PCDHA5: variants seen among roughly 807,000 people sequenced by gnomAD.
The protein encoded by PCDHA5 is protocadherin alpha-5.
PCDHA5 carries 43 observed loss-of-function variants against 61.6 expected under a neutral mutation model. The ratio of observed to expected loss-of-function variants is 0.70; its 90% CI spans 0.55 to 0.90. The LOEUF is 0.90. Ranked by LOEUF, PCDHA5 falls within the 40% of genes least tolerant of loss-of-function variation. PCDHA5 has a pLI of 0.00. For synonymous variants in PCDHA5, 627 were observed against 543.9 expected (o/e 1.15, Z -2.13); for missense variants, 1,298 against 1,222.7 (o/e 1.06, Z -0.92).
intron 1 of PCDHA5, among the ~76,000 whole-genome samples, chr5:140,920,824 C>T (rs537294471): frequency 3.4e-5 from 5 of 145,004 alleles, no homozygotes; most frequent in Admixed American, 1.4e-4. Context: ...AGCCTGGCGA[C>T]GGAGCAAGAC....
intron 1 of PCDHA5, chr5:140,966,972 T>A (rs1554229007): frequency 6.2e-7 from 1 of 1,602,946 alleles, no homozygotes; most frequent in Non-Finnish European, 8.5e-7. Flanking sequence ...GGGCTTGAGC[T>A]GCGGCGCTTG....
intron 1 of PCDHA5, chr5:140,882,928 C>T: frequency 6.2e-7 from 1 of 1,614,140 alleles, no homozygotes; most frequent in Non-Finnish European, 8.5e-7. Context: ...GAGGTAAACC[C>T]GAGCTGACTG....
rs1395280300 is a variant in PCDHA5, at chr5:140,857,152, T to C, written c.2352+33025T>C. ...AAGATGCTCAAGTGGGCACCGTCAT[T>C]GCCCTAATCAGCGTTTCTGACCATG... On this transcript the variant is annotated intron_variant, in intron 1 of 3. Coordinates refer to ENST00000529859, the MANE Select transcript of PCDHA5 (RefSeq NM_018908.3). The C allele has an allele frequency of 3.8e-6, 6 of 1,598,324 alleles. 1 individual carries two copies. In the Admixed American group the frequency reaches 8.4e-5, roughly 22 times the overall value.
chr5:140,848,811 C>T (rs2150421189), intron 1 of PCDHA5: 1 of 1,591,760 alleles, frequency 6.3e-7, no homozygotes, highest in Non-Finnish European at 8.6e-7. Flanking sequence ...CAGCATCCAC[C>T]TGGAGGTGAT....
chr5:141,012,057 A>G lies in PCDHA5; in HGVS notation c.*2120A>G, dbSNP rs2098422809. 6.5e-6 allele frequency: 1 copy of G among 153,774 alleles called. No individual in the cohort carries two copies. Among genetic ancestry groups the G allele is most frequent in the African/African-American group, 2.4e-5 (1 of 41,454 alleles). The allele number at this position is 153,774 out of a possible 1,614,324, so 9.5% of individuals were successfully genotyped here. A position where few individuals can be genotyped will look rare whatever the true frequency, so the allele number is the denominator to read the frequency against. Reference sequence around the variant, plus strand: ...ATTGCATGGGGTAAAACTTGTTACCAACACATGTGAACCATTGCTACATTG... The same window carrying G: ...ATTGCATGGGGTAAAACTTGTTACCGACACATGTGAACCATTGCTACATTG... On this transcript the variant is annotated 3_prime_UTR_variant, in exon 4 of 4. Transcript: ENST00000529859.
chr5:140,967,262 C>G (rs1554229356), intron 1 of PCDHA5: 1 of 1,613,522 alleles, frequency 6.2e-7, no homozygotes, highest in African/African-American at 1.3e-5. Flanking sequence ...GCCTGGAGCG[C>G]GCTTTCACAT....
intron 1 of PCDHA5, chr5:140,927,773 A>C (rs143568645): frequency 6.2e-7 from 1 of 1,614,078 alleles, no homozygotes; most frequent in Non-Finnish European, 8.5e-7. Flanking sequence ...GGGGAGGTGC[A>C]AGTAGCTGCT....
chr5:140,828,239 C>G, intron 1 of PCDHA5: 1 of 1,613,974 alleles, frequency 6.2e-7, no homozygotes, highest in South Asian at 1.1e-5. Flanking sequence ...CCGGATCGCG[C>G]AGGACCTGGG....
At chr5:140,842,048 G>A (rs2150328015) in intron 1 of PCDHA5, 1 of 1,613,798 alleles carries the variant, frequency 6.2e-7, no homozygotes. Context: ...TCCCACTTTC[G>A]AACAGTCTGA....
At chr5:140,856,866 A>G in intron 1 of PCDHA5, 1 of 1,595,900 alleles carries the variant, frequency 6.3e-7, no homozygotes, top group Non-Finnish European at 8.6e-7. Flanking sequence ...GAAGGAATAA[A>G]CAAGGAAATG....
intron 1 of PCDHA5, among the ~76,000 whole-genome samples, chr5:140,832,146 T>C (rs1554133466): frequency 6.6e-6 from 1 of 152,254 alleles, no homozygotes; most frequent in African/African-American, 2.4e-5. Flanking sequence ...AAAATTGAAT[T>C]AAGACTTGGA....
Position 140,941,114 on chromosome 5 carries a change from T to G in PCDHA5, c.2353-37835T>G, listed in dbSNP as rs193134067. ...TTTCACATACTATTACTGGAAAGAT[T>G]AGTCCTTTGAAGTTCCAGCTTAATG... On this transcript the variant is annotated intron_variant, in intron 1 of 3. Coordinates refer to ENST00000529859, the MANE Select transcript of PCDHA5 (RefSeq NM_018908.3). Among the ~76,000 whole-genome samples, 307 of 152,230 alleles carry G rather than the reference T, an allele frequency of 2.0e-3. 3 individuals carry two copies. Among genetic ancestry groups the G allele is most frequent in the African/African-American group, 7.2e-3 (299 of 41,546 alleles).
intron 1 of PCDHA5, among the ~76,000 whole-genome samples, chr5:140,898,111 T>C (rs1319791706): frequency 6.6e-6 from 1 of 152,184 alleles, no homozygotes; most frequent in Non-Finnish European, 1.5e-5. Context: ...ATGAGTAGGT[T>C]GCGAAAATTT....
Position 140,848,771 on chromosome 5 carries a change from C to G in PCDHA5, c.2352+24644C>G, listed in dbSNP as rs1184191151. 4.4e-6 allele frequency: 7 copies of G among 1,593,350 alleles called. No homozygotes were observed. In the South Asian group the frequency reaches 6.6e-5, roughly 15 times the overall value. On this transcript the variant is annotated intron_variant, in intron 1 of 3. Coordinates refer to ENST00000529859, the MANE Select transcript of PCDHA5 (RefSeq NM_018908.3). ...TGTTTGTGAATTCTCGGATCGACCG[C>G]GAGGAGCTGTGCGGGCGGAGCGCGG...
rs544791644 is a variant in PCDHA5, at chr5:140,937,295, C to G, written c.2353-41654C>G. Among the ~76,000 whole-genome samples the G allele has an allele frequency of 1.0e-3, 157 of 152,202 alleles. 1 individual carries two copies. Among genetic ancestry groups the G allele is most frequent in the Admixed American group, 4.7e-3 (72 of 15,286 alleles). On this transcript the variant is annotated intron_variant, in intron 1 of 3. Transcript: ENST00000529859. ...CTCGTGATTCACCCGCTTCGGCCTC[C>G]CAAAGTGCTGGGATTACAGGCGTGA...
chr5:140,831,798 C>T (rs1370257293), intron 1 of PCDHA5, among the ~76,000 whole-genome samples: 1 of 152,186 alleles, frequency 6.6e-6, no homozygotes, highest in African/African-American at 2.4e-5. Context: ...ATTTCAGTTT[C>T]TTCTGTAAAG....
intron 1 of PCDHA5, chr5:140,966,947 G>A (rs782439197): frequency 6.2e-7 from 1 of 1,603,520 alleles, no homozygotes; most frequent in Middle Eastern, 1.7e-4. Context: ...CGTGGGCAAC[G>A]TGGCTCGCGC....
At chr5:140,857,085 C>T in intron 1 of PCDHA5, 2 of 1,596,752 alleles carry the variant, frequency 1.3e-6, no homozygotes, top group Non-Finnish European at 8.6e-7. Context: ...AATGATAATT[C>T]ACCTGAGGTG....
At chr5:140,842,075 T>C (rs1285752130) in intron 1 of PCDHA5, 5 of 1,613,720 alleles carry the variant, frequency 3.1e-6, no homozygotes, top group Admixed American at 1.7e-5. Context: ...AGTAAGAATA[T>C]TCGAAAACGC....
Sources: gnomAD v4.1 joint callset for allele counts (sites outside exome capture counted in the v4.1 genomes callset) on GRCh38, gnomAD v4.1.1 for gene constraint, MANE v1.5 for transcripts, NCBI Gene and HGNC (gene_info 2026-07-23, HGNC 2026-07-21) for gene names.